The following ATF1 variants were observed in gnomAD, a reference collection of about 807,000 sequenced individuals.
The protein encoded by ATF1 is activating transcription factor 1.
A neutral mutation model predicts 34.7 loss-of-function variants in ATF1; 16 were observed. That is an observed-to-expected ratio of 0.46 (90% CI 0.31 to 0.70). ATF1 has a LOEUF of 0.70. Ranked by LOEUF, ATF1 falls within the 30% of genes least tolerant of loss-of-function variation. The pLI, the probability that ATF1 is intolerant of heterozygous loss-of-function variation, is 0.05. For synonymous variants in ATF1, 105 were observed against 113.1 expected (o/e 0.93, Z 0.46); for missense variants, 255 against 321.6 (o/e 0.79, Z 1.58).
In ATF1 at chr12:50,801,188, C is replaced by A. The variant is rs142081165; in HGVS notation, c.194+5179C>A. ...GCAGAGGTAATATATAAGACATCTA[C>A]AACATAAAGAGGGAAATATAAACAG... is the stretch of plus-strand genomic sequence containing the variant. On this transcript the variant is annotated intron_variant, in intron 3 of 6. Coordinates refer to ENST00000262053, the MANE Select transcript of ATF1 (RefSeq NM_005171.5). Among the ~76,000 whole-genome samples the A allele has an allele frequency of 3.9e-4, 60 of 152,080 alleles. 1 individual carries two copies. The highest frequency in any genetic ancestry group is 1.4e-3 in the Admixed American group (22 of 15,260).
At position 50,764,240 on chromosome 12, in the gene ATF1, AT is replaced by A. The variant is rs1940565506; in HGVS notation, c.-72del. 1 of 151,370 alleles carries A rather than the reference AT, an allele frequency of 6.6e-6. No individual in the cohort carries two copies. The highest frequency in any genetic ancestry group is 2.4e-5 in the African/African-American group (1 of 41,162). The allele number at this position is 151,370 out of a possible 1,614,324, so 9.4% of individuals were successfully genotyped here. On this transcript the variant is annotated 5_prime_UTR_variant, in exon 1 of 7. Coordinates refer to ENST00000262053, the MANE Select transcript of ATF1 (RefSeq NM_005171.5). Reference sequence around the variant, plus strand: ...GAGGGGGTGGGGAAGTGGGTAGTGAATTCGGATCTACCTGGGAGGGGGGAGT... The same window carrying A: ...GAGGGGGTGGGGAAGTGGGTAGTGAATCGGATCTACCTGGGAGGGGGGAGT...
intron 6 of ATF1, among the ~76,000 whole-genome samples, chr12:50,817,653 C>CA: frequency 6.6e-6 from 1 of 151,892 alleles, no homozygotes; most frequent in African/African-American, 2.4e-5. Flanking sequence ...TTGTATGTGA[C>CA]AAAAGATACC....
intron 2 of ATF1, among the ~76,000 whole-genome samples, chr12:50,782,255 ATTTG>A (rs140008258): frequency 0.25 from 38,450 of 151,168 alleles, 5,388 homozygotes; most frequent in Non-Finnish European, 0.32. Context: ...TTGTTTGTTT[ATTTG>A]TTTGTTTGTT....
chr12:50,816,105 C>T (rs1016251716), intron 6 of ATF1, among the ~76,000 whole-genome samples: 2 of 151,930 alleles, frequency 1.3e-5, no homozygotes, highest in East Asian at 3.9e-4. Flanking sequence ...GAGGCCGAGG[C>T]GGGAGGATCA....
chr12:50,778,224 C>CTT (rs71086479), intron 1 of ATF1, among the ~76,000 whole-genome samples: 1,097 of 96,388 alleles, frequency 0.011, 44 homozygotes, highest in East Asian at 0.031. Flanking sequence ...CCATATTAAC[C>CTT]TTTTTTTTTT....
chr12:50,766,719 G>C (rs976731726), intron 1 of ATF1, among the ~76,000 whole-genome samples: 4 of 148,850 alleles, frequency 2.7e-5, no homozygotes, highest in Non-Finnish European at 5.9e-5. Context: ...CCTTTGCTGC[G>C]TACAAGCGGC....
chr12:50,805,561 CAA>C (rs370613978), intron 3 of ATF1, among the ~76,000 whole-genome samples: 20 of 53,822 alleles, frequency 3.7e-4, no homozygotes, highest in Non-Finnish European at 5.0e-4. Flanking sequence ...CTGTCTGTCT[CAA>C]AAAAAAAAAA....
chr12:50,818,796 A>C (rs1592207485), intron 6 of ATF1, among the ~76,000 whole-genome samples: 1 of 151,966 alleles, frequency 6.6e-6, no homozygotes, highest in South Asian at 2.1e-4. Flanking sequence ...AGTAGAGATG[A>C]GGTTTTGCCA....
intron 2 of ATF1, among the ~76,000 whole-genome samples, chr12:50,789,755 C>T (rs1941262342): frequency 6.6e-6 from 1 of 151,840 alleles, no homozygotes; most frequent in African/African-American, 2.4e-5. Flanking sequence ...ACCCTGCCTG[C>T]GCCCTCCCAC....
chr12:50,807,813 G>GTT (rs59464118), intron 3 of ATF1, among the ~76,000 whole-genome samples: 2 of 125,782 alleles, frequency 1.6e-5, no homozygotes, highest in African/African-American at 5.7e-5. Context: ...TTTTTTTTTT[G>GTT]TTTTTTTTTT....
At chr12:50,788,618 AG>A (rs1565907349) in intron 2 of ATF1, among the ~76,000 whole-genome samples, 1 of 151,926 alleles carries the variant, frequency 6.6e-6, no homozygotes, top group African/African-American at 2.4e-5. Flanking sequence ...GAGTAGCTAG[AG>A]CTGGTTCCTA....
intron 6 of ATF1, 140 bp downstream of exon 6, chr12:50,814,579 C>G (rs1042396847): frequency 2.1e-6 from 2 of 962,360 alleles, no homozygotes; most frequent in Non-Finnish European, 1.5e-6. Context: ...AAATGAATGA[C>G]GGTGGTCCCA....
At chr12:50,780,385 C>A in intron 2 of ATF1, 147 bp downstream of exon 2, 1 of 653,420 alleles carries the variant, frequency 1.5e-6, no homozygotes, top group Non-Finnish European at 2.5e-6. Context: ...GCTCTAGTTG[C>A]CCAGGCTGGA....
chr12:50,783,500 C>T (rs112794914), intron 2 of ATF1, among the ~76,000 whole-genome samples: 22 of 152,268 alleles, frequency 1.4e-4, no homozygotes, highest in African/African-American at 4.3e-4. Context: ...CAAATTTCCT[C>T]AGAAGCATAT....
chr12:50,791,704 A>C (rs1400220934), intron 2 of ATF1, among the ~76,000 whole-genome samples: 1 of 152,180 alleles, frequency 6.6e-6, no homozygotes, highest in Non-Finnish European at 1.5e-5. Flanking sequence ...AATGGTATGG[A>C]CCAGAGTAGT....
chr12:50,815,775 A>C (rs1248792470), intron 6 of ATF1, among the ~76,000 whole-genome samples: 4 of 152,174 alleles, frequency 2.6e-5, no homozygotes, highest in Non-Finnish European at 1.5e-5. Flanking sequence ...AAATCTACCC[A>C]AAGGAAAAGA....
intron 4 of ATF1, 43 bp downstream of exon 4, chr12:50,809,632 C>G (rs867271385): frequency 3.2e-6 from 5 of 1,538,966 alleles, no homozygotes; most frequent in Non-Finnish European, 3.5e-6. Flanking sequence ...CACACAAAAC[C>G]TGACTTTTCT....
intron 4 of ATF1, among the ~76,000 whole-genome samples, chr12:50,810,303 C>T (rs567578716): frequency 2.0e-5 from 3 of 146,720 alleles, no homozygotes; most frequent in African/African-American, 7.6e-5. Flanking sequence ...CTGCAACTTC[C>T]ACCTCCCGGG....
chr12:50,807,802 G>GTTTTTTTTTGTTTTTTTT (rs1941645763), intron 3 of ATF1, among the ~76,000 whole-genome samples: 1 of 141,880 alleles, frequency 7.0e-6, no homozygotes, highest in Admixed American at 7.2e-5. Context: ...TTGTGTGTGT[G>GTTTTTTTTTGTTTTTTTT]TTTTTTTTTT....
Sources: allele counts gnomAD v4.1 joint callset (sites outside exome capture counted in the v4.1 genomes callset), GRCh38; gene constraint gnomAD v4.1.1; transcripts MANE v1.5; gene names NCBI Gene and HGNC (gene_info 2026-07-23, HGNC 2026-07-21).